GSS: variants seen among roughly 807,000 people sequenced by gnomAD.
GSS encodes the protein glutathione synthetase.
In GSS, 34 loss-of-function variants were observed where a neutral mutation model predicts 60.4. The ratio of observed to expected loss-of-function variants is 0.56; its 90% CI spans 0.43 to 0.75. The LOEUF (loss-of-function observed/expected upper bound fraction) is 0.75. Among genes scored for constraint, GSS ranks in the 30% least tolerant of loss-of-function variants. The pLI is 0.00. For synonymous variants in GSS, 224 were observed against 239.0 expected, an observed-to-expected ratio of 0.94 and a Z score of 0.58; for missense variants, 499 against 595.1, an observed-to-expected ratio of 0.84 and a Z score of 1.68.
At chr20:34,953,044 C>G (rs768318398) in intron 1 of GSS, among the ~76,000 whole-genome samples, 4 of 152,174 alleles carry the variant, frequency 2.6e-5, no homozygotes, top group Admixed American at 6.5e-5. Context: ...ACCCAAGTGT[C>G]CAATGTAATA....
intron 2 of GSS, chr20:34,950,121 C>T (rs1272614087): frequency 6.6e-6 from 1 of 152,000 alleles, no homozygotes; most frequent in Non-Finnish European, 1.5e-5. Context: ...CATAACCTCC[C>T]AGAAAGACCA....
At chr20:34,945,854 C>T (rs1159143255) in intron 3 of GSS, 99 bp downstream of exon 3, 1 of 1,319,338 alleles carries the variant, frequency 7.6e-7, no homozygotes, top group East Asian at 2.3e-5. Flanking sequence ...TCCTCTATCC[C>T]ACCAAGTCAG....
At chr20:34,952,057 A>G (rs2081573704) in intron 1 of GSS, 197 bp from the exon 2 acceptor site, 1 of 628,448 alleles carries the variant, frequency 1.6e-6, no homozygotes, top group South Asian at 1.8e-5. Flanking sequence ...AGCTTGACAA[A>G]GCATTTCCAT....
chr20:34,938,888 GT>G lies in GSS; in HGVS notation c.609-1866del, dbSNP rs567734292. 1.4e-3 allele frequency among the ~76,000 whole-genome samples: 211 copies of G among 152,286 alleles called. 1 individual carries two copies. The highest frequency in any genetic ancestry group is 4.8e-3 in the African/African-American group (201 of 41,552). The stretch of plus-strand genomic sequence containing the variant: ...TGCCAGTGACTTGTAGTGTGTCTTG[GT>G]AATTGACTTGGGTAAGGCAATTTCG... On this transcript the variant is annotated intron_variant, in intron 6 of 12. Coordinates refer to ENST00000651619, the MANE Select transcript of GSS (RefSeq NM_000178.4).
At chr20:34,931,514 G>T in intron 10 of GSS, 97 bp from the exon 11 acceptor site, 1 of 955,966 alleles carries the variant, frequency 1.0e-6, no homozygotes, top group Non-Finnish European at 1.7e-6. Context: ...CAGAGGAAGA[G>T]CAGGAGGGAG....
intron 8 of GSS, 120 bp from the exon 9 acceptor site, chr20:34,935,762 G>A (rs1325267011): frequency 2.0e-5 from 15 of 747,530 alleles, no homozygotes; most frequent in Non-Finnish European, 3.3e-5. Flanking sequence ...CCCACAGTGG[G>A]AGCCTGGTCA....
At chr20:34,931,459 A>G in intron 10 of GSS, 42 bp from the exon 11 acceptor site, 1 of 1,525,800 alleles carries the variant, frequency 6.6e-7, no homozygotes, top group South Asian at 1.1e-5. Flanking sequence ...TTTAAAGGCT[A>G]AAGAGGCAAG....
At chr20:34,953,317 T>G (rs527799533) in intron 1 of GSS, among the ~76,000 whole-genome samples, 112 of 152,228 alleles carry the variant, frequency 7.4e-4, no homozygotes, top group Non-Finnish European at 1.4e-3. Context: ...ACAGAGCCAG[T>G]GCCAGGCCAA....
chr20:34,945,382 A>AG (rs1164175981), intron 3 of GSS, among the ~76,000 whole-genome samples: 13 of 111,120 alleles, frequency 1.2e-4, no homozygotes, highest in African/African-American at 3.4e-4. Context: ...CAGAATCTGA[A>AG]GAAAAAAAAA....
chr20:34,950,906 C>G (rs2081563640), intron 2 of GSS, among the ~76,000 whole-genome samples: 1 of 152,032 alleles, frequency 6.6e-6, no homozygotes, highest in Non-Finnish European at 1.5e-5. Flanking sequence ...ACCTAGTCAC[C>G]AAATTAAAAA....
chr20:34,951,981 G>T (rs111778654), intron 1 of GSS, 121 bp from the exon 2 acceptor site: 3 of 966,922 alleles, frequency 3.1e-6, no homozygotes, highest in Admixed American at 1.9e-5. Context: ...AGGGAACAGC[G>T]TGGTATACAG....
In GSS at chr20:34,928,444, T is replaced by G. The variant is rs890424324; in HGVS notation, c.*384A>C. ...TAAGGAATCATCACTGAATCAGCAATGCAGTTTTATTTAAGGCAGAATTAG... is the reference window on the plus strand; with the variant it reads ...TAAGGAATCATCACTGAATCAGCAAGGCAGTTTTATTTAAGGCAGAATTAG... On this transcript the variant is annotated 3_prime_UTR_variant, in exon 13 of 13. Coordinates refer to ENST00000651619, the MANE Select transcript of GSS (RefSeq NM_000178.4). The G allele has an allele frequency of 1.2e-5, 4 of 334,420 alleles. No individual in the cohort carries two copies. The highest frequency in any genetic ancestry group is 6.9e-5 in the East Asian group (1 of 14,568). 20.7% of individuals were successfully genotyped at this position (334,420 alleles called of 1,614,324 possible).
intron 2 of GSS, among the ~76,000 whole-genome samples, chr20:34,947,059 G>A (rs1228610660): frequency 6.6e-6 from 1 of 152,100 alleles, no homozygotes; most frequent in African/African-American, 2.4e-5. Context: ...TACGGTGTTA[G>A]AACTTGGTAT....
chr20:34,936,701 G>GA, intron 8 of GSS, 62 bp downstream of exon 8: 1 of 1,097,734 alleles, frequency 9.1e-7, no homozygotes, highest in Non-Finnish European at 1.4e-6. Context: ...TCATTTTGGG[G>GA]AAGAGGGTGG....
At chr20:34,952,119 GA>G in intron 1 of GSS, 1 of 506,524 alleles carries the variant, frequency 2.0e-6, no homozygotes, top group Non-Finnish European at 3.6e-6. Flanking sequence ...TCACAGTAAG[GA>G]AGCAGAGGCT....
intron 9 of GSS, 75 bp from the exon 10 acceptor site, chr20:34,932,208 A>G (rs1229477489): frequency 5.4e-6 from 6 of 1,110,730 alleles, no homozygotes; most frequent in Non-Finnish European, 8.3e-6. Flanking sequence ...TCCATCCATT[A>G]GGTGCCAGGT....
intron 5 of GSS, 73 bp downstream of exon 5, chr20:34,942,415 G>T: frequency 7.1e-7 from 1 of 1,413,196 alleles, no homozygotes; most frequent in Non-Finnish European, 9.9e-7. Context: ...GGAGTTCCCT[G>T]GCCTAGCCAG....
chr20:34,931,041 C>T (rs2081396883), intron 11 of GSS, among the ~76,000 whole-genome samples: 1 of 152,176 alleles, frequency 6.6e-6, no homozygotes, highest in African/African-American at 2.4e-5. Flanking sequence ...GAAAGGAAAA[C>T]AGACATGTAT....
chr20:34,949,221 A>G (rs528584738), intron 2 of GSS, among the ~76,000 whole-genome samples: 3 of 152,216 alleles, frequency 2.0e-5, no homozygotes, highest in African/African-American at 7.2e-5. Context: ...ACTTATTGTA[A>G]AAAACAAATT....
Sources: gnomAD v4.1 joint callset for allele counts (sites outside exome capture counted in the v4.1 genomes callset) on GRCh38, gnomAD v4.1.1 for gene constraint, MANE v1.5 for transcripts, NCBI Gene and HGNC (gene_info 2026-07-23, HGNC 2026-07-21) for gene names.